Variants in ARPC1A observed in about 807,000 individuals in gnomAD.
ARPC1A encodes the protein actin-related protein 2/3 complex subunit 1A.
Under a neutral mutation model 46.9 loss-of-function variants are expected in ARPC1A, and 8 were observed. That is an observed-to-expected ratio of 0.17 (90% CI 0.10 to 0.31). The LOEUF (loss-of-function observed/expected upper bound fraction) is 0.31. ARPC1A is among the 10% of genes least tolerant of loss of function. The pLI, the probability that ARPC1A is intolerant of heterozygous loss-of-function variation, is 1.00. For synonymous variants in ARPC1A, 152 were observed against 169.0 expected, an observed-to-expected ratio of 0.90 and a Z score of 0.78; for missense variants, 286 against 483.6, an observed-to-expected ratio of 0.59 and a Z score of 3.83.
intron 9 of ARPC1A, 115 bp from the exon 10 acceptor site, chr7:99,365,776 C>T: frequency 8.9e-7 from 1 of 1,129,184 alleles, no homozygotes; most frequent in East Asian, 2.6e-5. Context: ...TGGGGCAGGG[C>T]CAGGTTCAGG....
At chr7:99,327,186 TCTTC>T (rs964440378) in intron 1 of ARPC1A, among the ~76,000 whole-genome samples, 2 of 151,656 alleles carry the variant, frequency 1.3e-5, no homozygotes, top group African/African-American at 4.8e-5. Flanking sequence ...GTGGTTGTTG[TCTTC>T]CTTTTTTTTT....
intron 6 of ARPC1A, among the ~76,000 whole-genome samples, chr7:99,356,655 A>T (rs1022353101): frequency 4.6e-5 from 7 of 151,780 alleles, no homozygotes; most frequent in South Asian, 2.1e-4. Flanking sequence ...TAATCCCAGC[A>T]CTTTGGGAGG....
At chr7:99,355,443 A>G (rs1270662068) in intron 6 of ARPC1A, among the ~76,000 whole-genome samples, 1 of 152,092 alleles carries the variant, frequency 6.6e-6, no homozygotes, top group Non-Finnish European at 1.5e-5. Flanking sequence ...GATAAGGGTC[A>G]CTTAAAAAGG....
At chr7:99,355,734 A>G (rs1230835070) in intron 6 of ARPC1A, among the ~76,000 whole-genome samples, 1 of 151,240 alleles carries the variant, frequency 6.6e-6, no homozygotes. Context: ...ACAGAGCAAG[A>G]CTCCATCTCA....
chr7:99,343,303 T>G (rs995438625), intron 3 of ARPC1A, among the ~76,000 whole-genome samples: 2 of 151,726 alleles, frequency 1.3e-5, no homozygotes, highest in African/African-American at 4.8e-5. Context: ...CCGTCTCTAC[T>G]AAAAATACAA....
chr7:99,344,304 G>T lies in ARPC1A; in HGVS notation c.181G>T (p.Ala61Ser). Residue 61 changes from alanine (A) to serine (S), a missense_variant, in exon 4 of 10, where the codon GCT becomes TCT. Ala to Ser is a moderately conservative substitution (Grantham distance 99, BLOSUM62 1). This residue lies in a region of ARPC1A where 38 missense variants were observed against 95.8 expected (regional missense o/e 0.40). Transcript: ENST00000262942. ...HNGHITGIDW[A>S]PKSDRIVTCG... ...TGTCTCACTTGCAGGTATTGACTGG[G>T]CTCCCAAGAGCGACCGCATTGTCAC... is the stretch of plus-strand genomic sequence containing the variant. 1 of 1,613,988 alleles carries T rather than the reference G, an allele frequency of 6.2e-7. No individual in the cohort carries two copies. Among genetic ancestry groups the T allele is most frequent in the Non-Finnish European group, 8.5e-7 (1 of 1,179,864 alleles).
chr7:99,329,537 T>C (rs1793109135), intron 1 of ARPC1A, among the ~76,000 whole-genome samples: 1 of 152,166 alleles, frequency 6.6e-6, no homozygotes, highest in Admixed American at 6.5e-5. Flanking sequence ...ATGCAAGTGG[T>C]GTTTGCTAGG....
Position 99,338,262 on chromosome 7 carries a change from A to C in ARPC1A, c.146A>C (p.Lys49Thr), listed in dbSNP as rs926009586. 1.2e-6 allele frequency: 2 copies of C among 1,610,928 alleles called. No homozygotes were observed. The highest frequency in any genetic ancestry group is 1.7e-6 in the Non-Finnish European group (2 of 1,177,668). ...CAGTGGGTGAAAGCTCATGAACTCA[A>C]GGAGCACAACGGACACATCACAGGT... ...GSQWVKAHEL[K>T]EHNGHITGID... The change falls in exon 3 of 10, where the codon AAG becomes ACG. Residue 49 changes from lysine to threonine, a missense_variant. Around this residue, in one of 5 missense-constraint regions of ARPC1A, gnomAD observed 55 missense variants for 59.4 expected, o/e 0.93. Coordinates refer to ENST00000262942, the MANE Select transcript of ARPC1A (RefSeq NM_006409.4).
In ARPC1A at chr7:99,354,017, T is replaced by G; in HGVS notation, c.609T>G (p.Thr203=). The change falls in exon 6 of 10, where the codon ACT becomes ACG. Residue 203 remains threonine (T), a synonymous_variant. Coordinates refer to ENST00000262942, the MANE Select transcript of ARPC1A (RefSeq NM_006409.4). The part of the protein sequence containing the change: ...QLMSEFGGSG[T]GGWVHGVSFS... Reference sequence around the variant, plus strand: ...TGTCAGAGTTTGGTGGCAGTGGCACTGGTGGCTGGGTCCACGGGGTAAGCT... The same window carrying G: ...TGTCAGAGTTTGGTGGCAGTGGCACGGGTGGCTGGGTCCACGGGGTAAGCT... 6.2e-7 allele frequency: 1 copy of G among 1,614,044 alleles called. No homozygotes were observed. Among genetic ancestry groups the G allele is most frequent in the Non-Finnish European group, 8.5e-7 (1 of 1,179,902 alleles).
intron 3 of ARPC1A, among the ~76,000 whole-genome samples, 169 bp from the exon 4 acceptor site, chr7:99,344,124 T>A (rs1193955745): frequency 6.6e-6 from 1 of 152,200 alleles, no homozygotes; most frequent in African/African-American, 2.4e-5. Context: ...AGAAGCATCC[T>A]TGCCTTTCCT....
chr7:99,359,517 T>C (rs769577754), intron 7 of ARPC1A, 28 bp from the exon 8 acceptor site: 98 of 1,610,454 alleles, frequency 6.1e-5, no homozygotes, highest in Non-Finnish European at 1.4e-5. Context: ...CAGTGCATCC[T>C]CCAGGGACTG....
At chr7:99,334,297 G>A (rs1584375060) in intron 2 of ARPC1A, among the ~76,000 whole-genome samples, 1 of 151,980 alleles carries the variant, frequency 6.6e-6, no homozygotes, top group Non-Finnish European at 1.5e-5. Flanking sequence ...GGGAGGCAGA[G>A]GTTGCAGTGA....
intron 5 of ARPC1A, among the ~76,000 whole-genome samples, chr7:99,352,183 T>C (rs1014396435): frequency 6.6e-6 from 1 of 152,190 alleles, no homozygotes; most frequent in African/African-American, 2.4e-5. Context: ...TTGAGAATGA[T>C]GGTAAGGTAG....
intron 6 of ARPC1A, among the ~76,000 whole-genome samples, chr7:99,356,743 T>A (rs1793641732): frequency 6.6e-6 from 1 of 151,236 alleles, no homozygotes; most frequent in South Asian, 2.1e-4. Flanking sequence ...CTACAAAAAA[T>A]ACAAAAATTA....
At chr7:99,358,536 CTTTT>C (rs5886103) in intron 7 of ARPC1A, 121 bp downstream of exon 7, 2,903 of 317,530 alleles carry the variant, frequency 9.1e-3, no homozygotes, top group South Asian at 0.019. Context: ...ACAGAGCTCA[CTTTT>C]TTTTTTTTTT....
At chr7:99,342,924 G>A (rs1038459896) in intron 3 of ARPC1A, among the ~76,000 whole-genome samples, 1 of 151,648 alleles carries the variant, frequency 6.6e-6, no homozygotes, top group African/African-American at 2.4e-5. Context: ...GGGTTTCACC[G>A]TGTTAGCCAG....
chr7:99,355,292 A>C (rs1357736045), intron 6 of ARPC1A, among the ~76,000 whole-genome samples: 1 of 151,966 alleles, frequency 6.6e-6, no homozygotes, highest in Non-Finnish European at 1.5e-5. Context: ...CAAAAAAAAA[A>C]CTGCAAGTCA....
chr7:99,358,976 C>T (rs1479307254), intron 7 of ARPC1A, among the ~76,000 whole-genome samples: 1 of 151,940 alleles, frequency 6.6e-6, no homozygotes, highest in Non-Finnish European at 1.5e-5. Flanking sequence ...GGACTACAGG[C>T]GCCCGCCACC....
At chr7:99,356,425 A>G (rs1037392096) in intron 6 of ARPC1A, among the ~76,000 whole-genome samples, 2 of 151,128 alleles carry the variant, frequency 1.3e-5, no homozygotes, top group Non-Finnish European at 3.0e-5. Context: ...GCCAACATGG[A>G]GAAACCCCGC....
Sources: allele counts gnomAD v4.1 joint callset (sites outside exome capture counted in the v4.1 genomes callset), GRCh38; gene constraint gnomAD v4.1.1; regional missense constraint gnomAD v4.1.1; transcripts MANE v1.5; gene names NCBI Gene and HGNC (gene_info 2026-07-23, HGNC 2026-07-21).